Variants in SLC30A9 observed in about 807,000 individuals in gnomAD.
SLC30A9 encodes solute carrier family 30 member 9.
A neutral mutation model predicts 87.5 loss-of-function variants in SLC30A9; 58 were observed. The ratio of observed to expected loss-of-function variants is 0.66; its 90% CI spans 0.54 to 0.82. The LOEUF (loss-of-function observed/expected upper bound fraction) is 0.82. SLC30A9 is among the 40% of genes least tolerant of loss of function. SLC30A9 has a pLI of 0.00. For missense variants in SLC30A9, 557 were observed against 679.1 expected (o/e 0.82, Z 2.00); for synonymous variants, 234 against 233.0 (o/e 1.00, Z -0.04).
chr4:42,053,674 T>G (rs1298241619), intron 9 of SLC30A9, among the ~76,000 whole-genome samples: 2 of 108,764 alleles, frequency 1.8e-5, no homozygotes, highest in Non-Finnish European at 3.3e-5. Flanking sequence ...CCAGCCTGGA[T>G]GACAAGAGTG....
At chr4:42,033,590 T>G (rs1716541418) in intron 6 of SLC30A9, among the ~76,000 whole-genome samples, 1 of 152,238 alleles carries the variant, frequency 6.6e-6, no homozygotes, top group African/African-American at 2.4e-5. Context: ...CTTGCTTTTT[T>G]TTTGAGGCGG....
chr4:42,044,736 C>T (rs947342705), intron 8 of SLC30A9, among the ~76,000 whole-genome samples: 2 of 152,206 alleles, frequency 1.3e-5, no homozygotes, highest in Non-Finnish European at 2.9e-5. Flanking sequence ...CTACAGAACT[C>T]TCAACCCCAA....
intron 2 of SLC30A9, among the ~76,000 whole-genome samples, chr4:42,008,542 A>G (rs1715310320): frequency 6.6e-6 from 1 of 152,204 alleles, no homozygotes; most frequent in South Asian, 2.1e-4. Flanking sequence ...AACTGAAGCC[A>G]TGGGTCTGTT....
Position 42,067,123 on chromosome 4 carries a change from T to C in SLC30A9, c.1183T>C (p.Leu395=). ...SRDPSTNVIL[L]EDTAAVLGVI... ...TGATCCTAGTACAAATGTGATATTA[T>C]TGGAGGATACTGCTGCAGTCTTGGG... Residue 395 remains leucine (L), a synonymous_variant, in exon 14 of 18, where the codon TTG becomes CTG. Transcript: ENST00000264451. The C allele has an allele frequency of 1.2e-6, 2 of 1,612,738 alleles. No individual in the cohort carries two copies. The highest frequency in any genetic ancestry group is 2.2e-5 in the East Asian group (1 of 44,722).
At chr4:42,040,333 C>A (rs1716869848) in intron 8 of SLC30A9, among the ~76,000 whole-genome samples, 1 of 152,068 alleles carries the variant, frequency 6.6e-6, no homozygotes, top group Non-Finnish European at 1.5e-5. Flanking sequence ...TAACATAGTA[C>A]CTGCTCTAAG....
rs114103978 is a variant in SLC30A9 at position 42,085,568 on chromosome 4, T to C, written c.1663-514T>C. ...AACTTTTTATTATTAGCTCTAATAC[T>C]TTAACTTGTAGATGATTACTGCTAT... On this transcript the variant is annotated intron_variant, in intron 17 of 17. Transcript: ENST00000264451. Among the ~76,000 whole-genome samples, 612 of 152,354 alleles carry C rather than the reference T, an allele frequency of 4.0e-3. 1 individual carries two copies. Among genetic ancestry groups the C allele is most frequent in the Non-Finnish European group, 6.2e-3 (419 of 68,028 alleles).
At chr4:42,008,325 T>A (rs1715302932) in intron 2 of SLC30A9, among the ~76,000 whole-genome samples, 1 of 152,202 alleles carries the variant, frequency 6.6e-6, no homozygotes. Context: ...TACCCTAATT[T>A]AATTTTTGGC....
At chr4:42,047,287 A>AC (rs1717200324) in intron 8 of SLC30A9, among the ~76,000 whole-genome samples, 1 of 152,246 alleles carries the variant, frequency 6.6e-6, no homozygotes, top group African/African-American at 2.4e-5. Flanking sequence ...ATCCGAGTGA[A>AC]CAGGTAATCT....
At chr4:41,995,865 A>T (rs56179953) in intron 1 of SLC30A9, among the ~76,000 whole-genome samples, 5,959 of 152,292 alleles carry the variant, frequency 0.039, 144 homozygotes, top group Middle Eastern at 0.075. Flanking sequence ...TAGCGCCACC[A>T]TGCCCAGCTA....
chr4:42,084,302 A>G (rs938709398), intron 17 of SLC30A9, among the ~76,000 whole-genome samples: 2 of 152,096 alleles, frequency 1.3e-5, no homozygotes, highest in African/African-American at 4.8e-5. Context: ...TAAAAGTCTT[A>G]TACTACTTCT....
chr4:42,071,472 T>A (rs954539223), intron 15 of SLC30A9, among the ~76,000 whole-genome samples: 17 of 152,282 alleles, frequency 1.1e-4, no homozygotes, highest in African/African-American at 3.6e-4. Context: ...ATATGTTTAA[T>A]CTTGAAAAGT....
At chr4:42,035,430 C>A in intron 7 of SLC30A9, 97 bp downstream of exon 7, 1 of 1,359,400 alleles carries the variant, frequency 7.4e-7, no homozygotes, top group South Asian at 1.3e-5. Context: ...TGATCTCAAT[C>A]TAAGATTTTC....
chr4:42,068,845 G>A (rs574540868), intron 14 of SLC30A9, among the ~76,000 whole-genome samples: 42 of 152,068 alleles, frequency 2.8e-4, no homozygotes, highest in Non-Finnish European at 5.3e-4. Context: ...TTTTATTTTC[G>A]AAAACAACCA....
At position 42,067,108 on chromosome 4, in the gene SLC30A9, A is replaced by G; in HGVS notation, c.1168A>G (p.Thr390Ala). The change falls in exon 14 of 18, where the codon ACA becomes GCA. Residue 390 changes from threonine (T) to alanine (A), a missense_variant. Physicochemically the swap from Thr to Ala is moderately conservative, Grantham distance 58. Around this residue, in one of 2 missense-constraint regions of SLC30A9, gnomAD observed 467 missense variants for 529.8 expected, o/e 0.88. Coordinates refer to ENST00000264451, the MANE Select transcript of SLC30A9 (RefSeq NM_006345.4). ...KYVMESRDPS[T>A]NVILLEDTAA... ...AGTAATGGAAAGTCGTGATCCTAGT[A>G]CAAATGTGATATTATTGGAGGATAC... 6.2e-7 allele frequency: 1 copy of G among 1,612,212 alleles called. No homozygotes were observed. The highest frequency in any genetic ancestry group is 8.5e-7 in the Non-Finnish European group (1 of 1,178,542).
chr4:41,997,265 T>C (rs1714762030), intron 1 of SLC30A9, among the ~76,000 whole-genome samples: 1 of 152,056 alleles, frequency 6.6e-6, no homozygotes, highest in Admixed American at 6.5e-5. Flanking sequence ...TTTTGCTTGC[T>C]ACATGATTAA....
At chr4:42,021,670 A>AT (rs1469093067) in intron 4 of SLC30A9, among the ~76,000 whole-genome samples, 3 of 152,220 alleles carry the variant, frequency 2.0e-5, no homozygotes, top group African/African-American at 7.2e-5. Context: ...ATATAAACAA[A>AT]TAATGACTGT....
intron 2 of SLC30A9, among the ~76,000 whole-genome samples, chr4:42,006,105 C>T (rs938605292): frequency 2.0e-5 from 3 of 152,084 alleles, no homozygotes; most frequent in Non-Finnish European, 2.9e-5. Context: ...GCATTGAATT[C>T]GGTATTATAA....
At chr4:42,070,793 G>A (rs1718283744) in intron 15 of SLC30A9, 102 bp downstream of exon 15, 8 of 910,442 alleles carry the variant, frequency 8.8e-6, no homozygotes, top group Admixed American at 5.7e-5. Flanking sequence ...TGGATTCCTC[G>A]TCTTCAGAAC....
In SLC30A9 at chr4:42,023,311, A is replaced by C; in HGVS notation, c.537A>C (p.Glu179Asp). The C allele has an allele frequency of 1.2e-6, 2 of 1,612,828 alleles. No homozygotes were observed. Among genetic ancestry groups the C allele is most frequent in the Non-Finnish European group, 1.7e-6 (2 of 1,178,798 alleles). Residue 179 changes from glutamate (E) to aspartate (D), a missense_variant, in exon 6 of 18, where the codon GAA becomes GAC. Glu to Asp is a conservative substitution (Grantham distance 45, BLOSUM62 2). Around this residue, in one of 2 missense-constraint regions of SLC30A9, gnomAD observed 467 missense variants for 529.8 expected, o/e 0.88. Transcript: ENST00000264451. ...LRSDVEAKSL[E>D]VWGSPEALAR... ...ATGTGTGTATGCACAGATCTTTGGAAGTTTGGGGAAGCCCTGAAGCTCTTG... is the reference window on the plus strand; with the variant it reads ...ATGTGTGTATGCACAGATCTTTGGACGTTTGGGGAAGCCCTGAAGCTCTTG...
Sources: allele counts gnomAD v4.1 joint callset (sites outside exome capture counted in the v4.1 genomes callset), GRCh38; gene constraint gnomAD v4.1.1; regional missense constraint gnomAD v4.1.1; transcripts MANE v1.5; gene names NCBI Gene and HGNC (gene_info 2026-07-23, HGNC 2026-07-21).